NOTCH2: variants seen among roughly 807,000 people sequenced by gnomAD.
NOTCH2 encodes the protein notch receptor 2, also known as neurogenic locus notch homolog protein 2.
In NOTCH2, 29 loss-of-function variants were observed where a neutral mutation model predicts 235.8. The observed-to-expected ratio is 0.12, with a 90% CI of 0.09 to 0.17. The LOEUF (loss-of-function observed/expected upper bound fraction) is 0.17. NOTCH2 is among the 10% of genes least tolerant of loss of function. The pLI is 1.00. For synonymous variants in NOTCH2, 1,086 were observed against 1,141.5 expected, an observed-to-expected ratio of 0.95 and a Z score of 0.98; for missense variants, 2,285 against 3,150.2, an observed-to-expected ratio of 0.73 and a Z score of 6.57.
chr1:119,922,129 A>G, intron 28 of NOTCH2, 107 bp downstream of exon 28: 1 of 1,243,012 alleles, frequency 8.0e-7, no homozygotes, highest in Non-Finnish European at 1.2e-6. Context: ...GGTCAATGTG[A>G]GTAAATGCCC....
rs587598224 is a variant in NOTCH2 at position 120,067,678 on chromosome 1, C to T, written c.73+1656G>A. 3.9e-5 allele frequency among the ~76,000 whole-genome samples: 6 copies of T among 152,322 alleles called. No individual in the cohort carries two copies. The East Asian group carries it at 5.8e-4, about 15-fold the overall frequency. ...AGACTGTCTCATTGATCATACTCCT[C>T]TCTATCCTAAAGCTACACTTAAAGC... On this transcript the variant is annotated intron_variant, in intron 1 of 33. Coordinates refer to ENST00000256646, the MANE Select transcript of NOTCH2 (RefSeq NM_024408.4).
At position 119,923,677 on chromosome 1, in the gene NOTCH2, G is replaced by A. The variant is rs761870508; in HGVS notation, c.4819C>T (p.Arg1607Cys). 4.3e-6 allele frequency: 7 copies of A among 1,614,040 alleles called. No individual in the cohort carries two copies. The Admixed American group carries it at 6.7e-5, about 15-fold the overall frequency. Residue 1607 changes from arginine to cysteine, a missense_variant, in exon 26 of 34, where the codon CGC (arginine) becomes TGC (cysteine). This residue lies in a region of NOTCH2 where 1,173 missense variants were observed against 1,515.3 expected (regional missense o/e 0.77). Transcript: ENST00000256646. The part of the protein sequence containing the change: ...SAAMKKQRMT[R>C]RSLPGEQEQE... ...TCTTGTTCACCAGGAAGGGATCTGC[G>A]TGTCATCCTCTGTTTCTTCATAGCA...
At chr1:119,946,277 T>C (rs1263279940) in intron 17 of NOTCH2, among the ~76,000 whole-genome samples, 1 of 152,060 alleles carries the variant, frequency 6.6e-6, no homozygotes, top group African/African-American at 2.4e-5. Flanking sequence ...TCCCAGAAAG[T>C]AGAAAGAAAA....
intron 19 of NOTCH2, among the ~76,000 whole-genome samples, chr1:119,939,797 G>T (rs1415978609): frequency 1.2e-4 from 18 of 152,334 alleles, no homozygotes; most frequent in African/African-American, 4.1e-4. Context: ...TCAGCAACAA[G>T]CTGCTTAATT....
intron 4 of NOTCH2, among the ~76,000 whole-genome samples, chr1:119,989,602 AT>A (rs1165947457): frequency 7.9e-5 from 12 of 151,520 alleles, no homozygotes; most frequent in African/African-American, 2.7e-4. Context: ...TTTAGGATAT[AT>A]TTTTTAAAAA....
At position 119,986,942 on chromosome 1, in the gene NOTCH2, T is replaced by C; in HGVS notation, c.874+18A>G. Reference sequence around the variant, plus strand: ...CAATCCATATCCCATTCTGGTGGATTCTCCACACTGTACATACCTGTCCAT... The same window carrying C: ...CAATCCATATCCCATTCTGGTGGATCCTCCACACTGTACATACCTGTCCAT... On this transcript the variant is annotated intron_variant, in intron 5 of 33. Transcript: ENST00000256646. The C allele has an allele frequency of 6.2e-7, 1 of 1,613,392 alleles. No homozygotes were observed. Among genetic ancestry groups the C allele is most frequent in the Non-Finnish European group, 8.5e-7 (1 of 1,179,452 alleles).
Position 119,916,253 on chromosome 1 carries a change from G to T in NOTCH2, c.6469C>A (p.Pro2157Thr), listed in dbSNP as rs587640708. 1.4e-5 allele frequency: 22 copies of T among 1,614,194 alleles called. No homozygotes were observed. In the East Asian group the frequency reaches 3.8e-4, roughly 28 times the overall value. The change falls in exon 34 of 34, where the codon CCT becomes ACT. Residue 2157 changes from proline to threonine, a missense_variant. Pro to Thr is a conservative substitution (Grantham distance 38). This residue lies in a region of NOTCH2 where 504 missense variants were observed against 538.0 expected (regional missense o/e 0.94). Transcript: ENST00000256646. Reference sequence around the variant, plus strand: ...GTGGTGTCGGAAACATACGTGTGAGGAGATTCTAGGGAATCAACAGGGGAT... The same window carrying T: ...GTGGTGTCGGAAACATACGTGTGAGTAGATTCTAGGGAATCAACAGGGGAT... Reference protein sequence around the residue: ...TLSPVDSLESPHTYVSDTTSS... With the variant: ...TLSPVDSLESTHTYVSDTTSS...
chr1:119,996,540 A>C (rs587632249), intron 4 of NOTCH2: 28 of 657,410 alleles, frequency 4.3e-5, no homozygotes, highest in Admixed American at 2.3e-4. Context: ...ATTTAGGTGG[A>C]TAAGAAAACA....
chr1:120,047,480 A>G (rs1164532647), intron 1 of NOTCH2, among the ~76,000 whole-genome samples: 50 of 87,436 alleles, frequency 5.7e-4, no homozygotes, highest in African/African-American at 2.8e-3. Context: ...CAGCAGTTCA[A>G]AACCAGCCTG....
At chr1:119,959,277 A>C (rs1650846240) in intron 12 of NOTCH2, 115 bp downstream of exon 12, 1 of 730,810 alleles carries the variant, frequency 1.4e-6, no homozygotes, top group African/African-American at 1.7e-5. Flanking sequence ...ACAGACTACT[A>C]ACCCTCCAGA....
chr1:119,932,610 T>A (rs1301056374), intron 22 of NOTCH2, among the ~76,000 whole-genome samples: 6 of 89,866 alleles, frequency 6.7e-5, no homozygotes, highest in South Asian at 4.2e-4. Flanking sequence ...CAAACAAATA[T>A]CTATCTATCT....
At chr1:119,920,486 T>C (rs1364959248) in intron 29 of NOTCH2, 89 bp from the exon 30 acceptor site, 16 of 1,383,988 alleles carry the variant, frequency 1.2e-5, no homozygotes, top group Non-Finnish European at 1.6e-5. Context: ...CCACCGCTGC[T>C]TATCTCCCAT....
chr1:119,937,533 A>G, intron 20 of NOTCH2, 67 bp from the exon 21 acceptor site: 3 of 1,450,584 alleles, frequency 2.1e-6, no homozygotes, highest in Non-Finnish European at 2.9e-6. Flanking sequence ...AAATCAACCA[A>G]TGAGCAAGTA....
At chr1:119,950,680 G>T in intron 15 of NOTCH2, 44 bp downstream of exon 15, 1 of 1,275,950 alleles carries the variant, frequency 7.8e-7, no homozygotes, top group Non-Finnish European at 1.1e-6. Context: ...ACAAAGCAAG[G>T]TCAAGTATCC....
At chr1:120,028,408 T>C (rs1653955415) in intron 2 of NOTCH2, among the ~76,000 whole-genome samples, 1 of 151,830 alleles carries the variant, frequency 6.6e-6, no homozygotes, top group Non-Finnish European at 1.5e-5. Flanking sequence ...TTATCTCCAG[T>C]TGTATCTCCA....
Position 119,963,180 on chromosome 1 carries a change from TAGGAAGGA to T in NOTCH2, c.1915+386_1915+393del, listed in dbSNP as rs71074447. Among the ~76,000 whole-genome samples the T allele has an allele frequency of 6.4e-4, 92 of 144,840 alleles. 1 individual carries two copies. The highest frequency in any genetic ancestry group is 7.0e-3 in the Middle Eastern group (2 of 284). On this transcript the variant is annotated intron_variant, in intron 11 of 33. Coordinates refer to ENST00000256646, the MANE Select transcript of NOTCH2 (RefSeq NM_024408.4). ...GGAAGAAGGGAAGAAGGAAGGTAGG[TAGGAAGGA>T]AGGAAGGAAGGAAGGAAGGAAGGAC...
At chr1:119,979,944 AAG>A (rs1173106759) in intron 5 of NOTCH2, among the ~76,000 whole-genome samples, 7 of 152,298 alleles carry the variant, frequency 4.6e-5, no homozygotes, top group African/African-American at 1.7e-4. Context: ...AATTAAAAAA[AAG>A]ACATAGTATA....
intron 5 of NOTCH2, among the ~76,000 whole-genome samples, chr1:119,979,029 C>T (rs1342935429): frequency 1.3e-5 from 2 of 152,130 alleles, no homozygotes; most frequent in African/African-American, 4.8e-5. Flanking sequence ...AGAACTGCTC[C>T]TGTACACTCA....
rs1570717754 is a variant in NOTCH2 at position 119,986,859 on chromosome 1, G to C, written c.874+101C>G. On this transcript the variant is annotated intron_variant, in intron 5 of 33. Transcript: ENST00000256646. ...CTGCTCAGTTCACATACTGGTTCCAGAGCAGGCCTAAGATATTTGTTACTG... is the reference window on the plus strand; with the variant it reads ...CTGCTCAGTTCACATACTGGTTCCACAGCAGGCCTAAGATATTTGTTACTG... 5 of 1,486,154 alleles carry C rather than the reference G, an allele frequency of 3.4e-6. No homozygotes were observed. The East Asian group carries it at 6.8e-5, about 20-fold the overall frequency. 92.1% of individuals were successfully genotyped at this position (1,486,154 alleles called of 1,614,324 possible).
Sources: allele counts gnomAD v4.1 joint callset (sites outside exome capture counted in the v4.1 genomes callset), GRCh38; gene constraint gnomAD v4.1.1; regional missense constraint gnomAD v4.1.1; transcripts MANE v1.5; gene names NCBI Gene and HGNC (gene_info 2026-07-23, HGNC 2026-07-21).